PDZD2: variants seen among roughly 807,000 people sequenced by gnomAD.
PDZD2 encodes the protein PDZ domain-containing protein 2.
PDZD2 carries 90 observed loss-of-function variants against 220.7 expected under a neutral mutation model. The ratio of observed to expected loss-of-function variants is 0.41; its 90% CI spans 0.34 to 0.49. The LOEUF (loss-of-function observed/expected upper bound fraction) is 0.49, where lower values mean the gene tolerates loss of function less well. Ranked by LOEUF, PDZD2 falls within the 20% of genes least tolerant of loss-of-function variation. PDZD2 has a pLI of 0.28. For missense variants in PDZD2, 3,174 were observed against 3,608.5 expected (o/e 0.88, Z 3.08); for synonymous variants, 1,375 against 1,450.5 (o/e 0.95, Z 1.18).
At chr5:32,105,223 G>A (rs1378261683) in intron 24 of PDZD2, among the ~76,000 whole-genome samples, 1 of 152,102 alleles carries the variant, frequency 6.6e-6, no homozygotes, top group East Asian at 1.9e-4. Flanking sequence ...GAGAAAGTTT[G>A]GGTAAAGAAA....
chr5:31,815,022 CA>C (rs1194941705), intron 2 of PDZD2, among the ~76,000 whole-genome samples: 1 of 151,600 alleles, frequency 6.6e-6, no homozygotes, highest in Non-Finnish European at 1.5e-5. Context: ...GTGGGTGGAT[CA>C]CCTGAGATCA....
At chr5:32,020,424 A>C (rs2112133473) in intron 6 of PDZD2, among the ~76,000 whole-genome samples, 1 of 152,348 alleles carries the variant, frequency 6.6e-6, no homozygotes, top group Non-Finnish European at 1.5e-5. Flanking sequence ...GAACAGGGTA[A>C]CGTGGCTCAT....
At chr5:31,840,301 G>A (rs964930929) in intron 2 of PDZD2, among the ~76,000 whole-genome samples, 18 of 150,612 alleles carry the variant, frequency 1.2e-4, no homozygotes, top group African/African-American at 4.1e-4. Flanking sequence ...CTTTGACTGG[G>A]GGGGAAGAAA....
At chr5:31,718,133 G>A (rs1748559743) in intron 1 of PDZD2, among the ~76,000 whole-genome samples, 1 of 152,230 alleles carries the variant, frequency 6.6e-6, no homozygotes, top group African/African-American at 2.4e-5. Context: ...AGGAAGGAAG[G>A]TAAGACGCTA....
At chr5:32,094,994 T>A (rs1743518451) in intron 21 of PDZD2, among the ~76,000 whole-genome samples, 2 of 152,242 alleles carry the variant, frequency 1.3e-5, no homozygotes, top group Non-Finnish European at 1.5e-5. Context: ...GGATTTCATG[T>A]GTGAAAGTCT....
chr5:31,733,593 C>G (rs1162572949), intron 1 of PDZD2, among the ~76,000 whole-genome samples: 1 of 152,182 alleles, frequency 6.6e-6, no homozygotes, highest in Non-Finnish European at 1.5e-5. Context: ...GAGGCACATG[C>G]TCTCAGCTGG....
At chr5:31,913,470 T>C (rs1743385261) in intron 2 of PDZD2, among the ~76,000 whole-genome samples, 1 of 152,164 alleles carries the variant, frequency 6.6e-6, no homozygotes, top group Non-Finnish European at 1.5e-5. Context: ...GTTTGTACAA[T>C]TGAAAAATAC....
chr5:31,813,229 T>A (rs919167119), intron 2 of PDZD2, among the ~76,000 whole-genome samples: 1 of 152,166 alleles, frequency 6.6e-6, no homozygotes, highest in South Asian at 2.1e-4. Flanking sequence ...GGCAGGTGGA[T>A]CACGAGGTCA....
In PDZD2 at chr5:31,918,713, T is replaced by C. The variant is rs557533825; in HGVS notation, c.477-64442T>C. Among the ~76,000 whole-genome samples, 11 of 152,170 alleles carry C rather than the reference T, an allele frequency of 7.2e-5. No homozygotes were observed. In the South Asian group the frequency reaches 2.1e-3, roughly 29 times the overall value. On this transcript the variant is annotated intron_variant, in intron 2 of 24. Transcript: ENST00000438447. ...AAAATAAAAAAGATGAAGGTTACAG[T>C]GCTCCTGAGGAGGGAAGTGCAGTTC...
chr5:32,037,420 C>A, intron 7 of PDZD2, 78 bp downstream of exon 7: 1 of 803,752 alleles, frequency 1.2e-6, no homozygotes, highest in Non-Finnish European at 2.1e-6. Context: ...AAGCCATTGC[C>A]GGGATGAGCT....
intron 2 of PDZD2, among the ~76,000 whole-genome samples, chr5:31,938,086 C>T (rs1325876386): frequency 6.6e-6 from 1 of 152,192 alleles, no homozygotes; most frequent in East Asian, 1.9e-4. Context: ...TTGATTTCCG[C>T]CCCCATTTAG....
intron 17 of PDZD2, among the ~76,000 whole-genome samples, chr5:32,073,089 G>T (rs561468093): frequency 6.6e-6 from 1 of 151,818 alleles, no homozygotes; most frequent in South Asian, 2.1e-4. Flanking sequence ...GATCCATACC[G>T]ATTTCTCAGA....
intron 7 of PDZD2, among the ~76,000 whole-genome samples, chr5:32,042,741 A>G (rs1756305353): frequency 6.6e-6 from 1 of 152,228 alleles, no homozygotes; most frequent in Non-Finnish European, 1.5e-5. Flanking sequence ...GGAGCCGGTG[A>G]CCAGCCCCTT....
chr5:31,864,967 G>GC (rs552655125), intron 2 of PDZD2, among the ~76,000 whole-genome samples: 37,922 of 147,290 alleles, frequency 0.26, 6,650 homozygotes, highest in African/African-American at 0.5. Context: ...TCCTGCCTCA[G>GC]CCCCCCGAGT....
intron 1 of PDZD2, among the ~76,000 whole-genome samples, chr5:31,669,085 C>A (rs982127587): frequency 6.6e-6 from 1 of 151,354 alleles, no homozygotes; most frequent in Non-Finnish European, 1.5e-5. Flanking sequence ...TGCTAAACAT[C>A]TAACAGTGCA....
chr5:31,707,651 G>A (rs1747893915), intron 1 of PDZD2, among the ~76,000 whole-genome samples: 1 of 149,216 alleles, frequency 6.7e-6, no homozygotes, highest in African/African-American at 2.4e-5. Context: ...TTTTTTTATC[G>A]GGGCCTCACT....
In PDZD2 at chr5:31,807,777, AG is replaced by A. The variant is rs1754827446; in HGVS notation, c.476+8057del. ...TGAGAAGTCTGTGTGGTCCTAGAAG[AG>A]GGGCCAGGATGCTGGGCTGGCAGGA... On this transcript the variant is annotated intron_variant, in intron 2 of 24. Coordinates refer to ENST00000438447, the MANE Select transcript of PDZD2 (RefSeq NM_178140.4). Among the ~76,000 whole-genome samples, 3 of 151,748 alleles carry A rather than the reference AG, an allele frequency of 2.0e-5. No individual in the cohort carries two copies. In the South Asian group the frequency reaches 6.3e-4, roughly 32 times the overall value.
intron 23 of PDZD2, chr5:32,099,585 C>T (rs1077606): frequency 0.083 from 12,675 of 152,306 alleles, 677 homozygotes; most frequent in East Asian, 0.23. Flanking sequence ...TACAGGGAAA[C>T]ACCTTGGTCA....
chr5:31,786,760 A>G (rs779431325), intron 1 of PDZD2, among the ~76,000 whole-genome samples: 3 of 152,212 alleles, frequency 2.0e-5, no homozygotes, highest in Non-Finnish European at 4.4e-5. Context: ...GAGATTTTAC[A>G]TGACTTGCCT....
Sources: gnomAD v4.1 joint callset for allele counts (sites outside exome capture counted in the v4.1 genomes callset) on GRCh38, gnomAD v4.1.1 for gene constraint, MANE v1.5 for transcripts, NCBI Gene and HGNC (gene_info 2026-07-23, HGNC 2026-07-21) for gene names.